Variants in JADE1 observed in about 807,000 individuals in gnomAD.
JADE1 encodes the protein protein Jade-1.
Under a neutral mutation model 81.8 loss-of-function variants are expected in JADE1, and 14 were observed. The ratio of observed to expected loss-of-function variants is 0.17; its 90% CI spans 0.11 to 0.27. JADE1 has a LOEUF of 0.27. Ranked by LOEUF, JADE1 falls within the 10% of genes least tolerant of loss-of-function variation. The pLI is 1.00. For synonymous variants in JADE1, 353 were observed against 391.9 expected (o/e 0.90, Z 1.17); for missense variants, 690 against 1,047.9 (o/e 0.66, Z 4.71).
At chr4:128,842,924 G>T in intron 2 of JADE1, 29 bp from the exon 3 acceptor site, 1 of 1,598,506 alleles carries the variant, frequency 6.3e-7, no homozygotes, top group South Asian at 1.1e-5. Flanking sequence ...AATTTCTAAT[G>T]GTTCTTATTT....
chr4:128,857,789 A>G (rs1484423831), intron 8 of JADE1, among the ~76,000 whole-genome samples: 1 of 152,118 alleles, frequency 6.6e-6, no homozygotes, highest in Non-Finnish European at 1.5e-5. Flanking sequence ...TAGCAGTCTT[A>G]GTGAGATGTT....
At chr4:128,861,020 T>C (rs950869497) in intron 8 of JADE1, among the ~76,000 whole-genome samples, 1 of 152,214 alleles carries the variant, frequency 6.6e-6, no homozygotes, top group African/African-American at 2.4e-5. Context: ...TTCGTGCTGC[T>C]TCAAGGAAGT....
chr4:128,825,126 G>A (rs1727932810), intron 1 of JADE1, among the ~76,000 whole-genome samples: 1 of 152,076 alleles, frequency 6.6e-6, no homozygotes, highest in Non-Finnish European at 1.5e-5. Flanking sequence ...TGCAACCTCT[G>A]CCTCCCGGGT....
intron 10 of JADE1, among the ~76,000 whole-genome samples, chr4:128,868,782 C>T (rs1213671207): frequency 6.6e-6 from 1 of 152,170 alleles, no homozygotes; most frequent in African/African-American, 2.4e-5. Context: ...AGAAGCAGAG[C>T]TGCTGAGTGT....
intron 1 of JADE1, among the ~76,000 whole-genome samples, chr4:128,823,472 A>G (rs537248676): frequency 1.3e-5 from 2 of 152,218 alleles, no homozygotes; most frequent in East Asian, 3.8e-4. Flanking sequence ...TATTATAGTT[A>G]TTTATTATGT....
rs769222221 is a variant in JADE1 at position 128,852,122 on chromosome 4, G to A, written c.550G>A (p.Asp184Asn). The change falls in exon 6 of 11, where the codon GAC becomes AAC. Residue 184 changes from aspartate to asparagine, a missense_variant. Asp to Asn is a conservative substitution (Grantham distance 23, BLOSUM62 1). Around this residue, in one of 8 missense-constraint regions of JADE1, gnomAD observed 84 missense variants for 226.6 expected, o/e 0.37. Transcript: ENST00000226319. The stretch of plus-strand genomic sequence containing the variant: ...AGAGGAATTTGAGCAGCGATGCTAC[G>A]ACAATATGAATCATGCCATAGAGAC... Reference protein sequence around the residue: ...VLEEFEQRCYDNMNHAIETEE... With the variant: ...VLEEFEQRCYNNMNHAIETEE... 6 of 1,614,032 alleles carry A rather than the reference G, an allele frequency of 3.7e-6. No individual in the cohort carries two copies. The highest frequency in any genetic ancestry group is 3.3e-5 in the Admixed American group (2 of 60,002).
chr4:128,846,602 A>AGAAGAGACAATTTCTGTGG lies in JADE1; in HGVS notation c.296+80_296+98dup. On this transcript the variant is annotated intron_variant, in intron 4 of 10. Transcript: ENST00000226319. The surrounding 1 kb of genome is among the most constrained non-coding windows in gnomAD (Gnocchi z 4.0). ...CTTCTTCCCTGACAGCAGGCATCTG[A>AGAAGAGACAATTTCTGTGG]GAAGAGACAATTTCTGTGGGAAGAG... is the stretch of plus-strand genomic sequence containing the variant. The AGAAGAGACAATTTCTGTGG allele has an allele frequency of 6.6e-7, 1 of 1,511,256 alleles. No homozygotes were observed. The highest frequency in any genetic ancestry group is 9.0e-7 in the Non-Finnish European group (1 of 1,105,114). The allele number at this position is 1,511,256 out of a possible 1,614,324, so 93.6% of individuals were successfully genotyped here. A position where few individuals can be genotyped will look rare whatever the true frequency, so the allele number is the denominator to read the frequency against.
At chr4:128,811,137 G>A (rs983468062) in intron 1 of JADE1, 1 of 152,362 alleles carries the variant, frequency 6.6e-6, no homozygotes, top group African/African-American at 2.4e-5. Context: ...GCTTGCAAAT[G>A]CGGGAGAGGG....
intron 1 of JADE1, chr4:128,810,460 T>G (rs556716526): frequency 2.0e-5 from 3 of 150,286 alleles, no homozygotes; most frequent in Non-Finnish European, 4.4e-5. Context: ...GTTTTTTTTT[T>G]TTTTTTTTTT....
chr4:128,831,401 G>A lies in JADE1; in HGVS notation c.-26-332G>A, dbSNP rs1001898345. On this transcript the variant is annotated intron_variant, in intron 1 of 10. Coordinates refer to ENST00000226319, the MANE Select transcript of JADE1 (RefSeq NM_199320.4). ...AGCACAGTACAGTGTTCATTGCTGT[G>A]GATTTTTTTCTGCAGTGCTTGCTGC... 9.8e-6 allele frequency: 3 copies of A among 305,798 alleles called. 1 individual carries two copies. The Middle Eastern group carries it at 3.1e-3, about 316-fold the overall frequency. The allele number at this position is 305,798 out of a possible 1,614,324, so 18.9% of individuals were successfully genotyped here. A position where few individuals can be genotyped will look rare whatever the true frequency, so the allele number is the denominator to read the frequency against.
At chr4:128,859,527 G>A (rs1407177385) in intron 8 of JADE1, among the ~76,000 whole-genome samples, 2 of 150,732 alleles carry the variant, frequency 1.3e-5, no homozygotes, top group African/African-American at 4.8e-5. Context: ...GTATGCTTGT[G>A]TATGTGTGTA....
At chr4:128,831,506 C>A in intron 1 of JADE1, 1 of 525,516 alleles carries the variant, frequency 1.9e-6, no homozygotes. Flanking sequence ...CTTTGGGAGA[C>A]CTACTGATAT....
In JADE1 at chr4:128,857,538, A is replaced by G. The variant is rs367951774; in HGVS notation, c.981+84A>G. On this transcript the variant is annotated intron_variant, in intron 8 of 10. Transcript: ENST00000226319. The stretch of plus-strand genomic sequence containing the variant: ...GAGGGAAGGCTCTGTGAACTGTCCA[A>G]GGGTTTGGAGAGGGGACTAGAATCC... The G allele has an allele frequency of 7.2e-6, 8 of 1,105,030 alleles. No homozygotes were observed. The African/African-American group carries it at 7.8e-5, about 11-fold the overall frequency. 68.5% of individuals were successfully genotyped at this position (1,105,030 alleles called of 1,614,324 possible).
rs1732237386 is a variant in JADE1 at position 128,872,048 on chromosome 4, A to G, written c.2315A>G (p.Gln772Arg). 1 of 1,614,086 alleles carries G rather than the reference A, an allele frequency of 6.2e-7. No homozygotes were observed. Among genetic ancestry groups the G allele is most frequent in the Non-Finnish European group, 8.5e-7 (1 of 1,179,988 alleles). Residue 772 changes from glutamine (Q) to arginine (R), a missense_variant, in exon 11 of 11, where the codon CAG becomes CGG. By Grantham distance (43) the Gln-to-Arg change is conservative. This residue lies in a region of JADE1 where 218 missense variants were observed against 274.3 expected (regional missense o/e 0.79). Coordinates refer to ENST00000226319, the MANE Select transcript of JADE1 (RefSeq NM_199320.4). Reference sequence around the variant, plus strand: ...GAGGCCCACGATGGGGCCTGCCACCAGCACTCAGACTACCCATATTTGGGC... The same window carrying G: ...GAGGCCCACGATGGGGCCTGCCACCGGCACTCAGACTACCCATATTTGGGC... ...QGEAHDGACHQHSDYPYLGLG... is the reference protein window; with the variant it reads ...QGEAHDGACHRHSDYPYLGLG...
chr4:128,825,816 T>G (rs1278938579), intron 1 of JADE1, among the ~76,000 whole-genome samples: 3 of 152,224 alleles, frequency 2.0e-5, no homozygotes, highest in Admixed American at 1.3e-4. Flanking sequence ...GAGAGTAATC[T>G]GCATATAATC....
chr4:128,872,631 G>T lies in JADE1; in HGVS notation c.*369G>T, dbSNP rs978340524. 4.6e-5 allele frequency: 12 copies of T among 260,108 alleles called. No individual in the cohort carries two copies. The highest frequency in any genetic ancestry group is 1.4e-4 in the Admixed American group (3 of 20,938). 16.1% of individuals were successfully genotyped at this position (260,108 alleles called of 1,614,324 possible). ...ACAAACTCATGGTTACCTGAATATA[G>T]GGAACCAGATATGGTTCTTGAGAAA... On this transcript the variant is annotated 3_prime_UTR_variant, in exon 11 of 11. Coordinates refer to ENST00000226319, the MANE Select transcript of JADE1 (RefSeq NM_199320.4).
intron 1 of JADE1, chr4:128,811,803 C>T (rs920725936): frequency 2.6e-5 from 4 of 151,718 alleles, no homozygotes; most frequent in Admixed American, 2.6e-4. Context: ...TTGTTGGTTC[C>T]GCGCCGCCTT....
At chr4:128,822,448 CATGCCTGTA>C (rs1387719528) in intron 1 of JADE1, among the ~76,000 whole-genome samples, 2 of 152,138 alleles carry the variant, frequency 1.3e-5, no homozygotes, top group Non-Finnish European at 2.9e-5. Context: ...TGCAGTGGCT[CATGCCTGTA>C]ATCCCAGCAC....
intron 8 of JADE1, among the ~76,000 whole-genome samples, chr4:128,860,718 G>C (rs1288199804): frequency 6.6e-6 from 1 of 152,222 alleles, no homozygotes; most frequent in Non-Finnish European, 1.5e-5. Flanking sequence ...TTGTTGTCTG[G>C]ATCAAAGGCA....
Sources: gnomAD v4.1 joint callset for allele counts (sites outside exome capture counted in the v4.1 genomes callset) on GRCh38, gnomAD v4.1.1 for gene constraint, gnomAD v4.1.1 regional missense constraint, Gnocchi (gnomAD v3.1) non-coding constraint, MANE v1.5 for transcripts, NCBI Gene and HGNC (gene_info 2026-07-23, HGNC 2026-07-21) for gene names.